Variants in PTPRG observed in about 807,000 individuals in gnomAD.
PTPRG encodes the protein receptor-type tyrosine-protein phosphatase gamma.
In PTPRG, 102 loss-of-function variants were observed where a neutral mutation model predicts 165.3. That is an observed-to-expected ratio of 0.62 (90% CI 0.53 to 0.73). The LOEUF is 0.73. Ranked by LOEUF, PTPRG falls within the 30% of genes least tolerant of loss-of-function variation. The pLI is 0.00. For missense variants in PTPRG, 1,866 were observed against 1,861.4 expected (o/e 1.00, Z -0.05); for synonymous variants, 675 against 669.5 (o/e 1.01, Z -0.13).
At chr3:61,695,489 C>G (rs751680610) in intron 1 of PTPRG, among the ~76,000 whole-genome samples, 1 of 152,206 alleles carries the variant, frequency 6.6e-6, no homozygotes, top group Non-Finnish European at 1.5e-5. Flanking sequence ...TCAATTTTCT[C>G]TCTATGAGAA....
chr3:62,262,920 T>A, intron 17 of PTPRG, 26 bp downstream of exon 17: 1 of 1,531,972 alleles, frequency 6.5e-7, no homozygotes. Context: ...TAAACTACCT[T>A]CAACTGCGAG....
At position 61,694,777 on chromosome 3, in the gene PTPRG, C is replaced by T. The variant is rs151220725; in HGVS notation, c.86-54101C>T. 5.0e-3 allele frequency among the ~76,000 whole-genome samples: 766 copies of T among 152,282 alleles called. 8 individuals carry two copies. The highest frequency in any genetic ancestry group is 0.017 in the African/African-American group (716 of 41,562). ...TTTAGAATGATTTTCCATCTATATA[C>T]TGAGTGAAAAGAGGCTATGTGCAGA... On this transcript the variant is annotated intron_variant, in intron 1 of 29. Transcript: ENST00000474889.
chr3:61,571,897 C>T (rs1211182382), intron 1 of PTPRG, among the ~76,000 whole-genome samples: 2 of 152,204 alleles, frequency 1.3e-5, no homozygotes, highest in South Asian at 2.1e-4. Flanking sequence ...GCCAGCCAAA[C>T]CAGCTGTGGG....
intron 2 of PTPRG, among the ~76,000 whole-genome samples, chr3:61,822,826 G>C (rs1284094308): frequency 1.3e-5 from 2 of 152,178 alleles, no homozygotes; most frequent in African/African-American, 2.4e-5. Flanking sequence ...CACAGTAGGA[G>C]AATTTCTTCT....
chr3:61,821,983 C>T (rs1374935148), intron 2 of PTPRG, among the ~76,000 whole-genome samples: 1 of 152,230 alleles, frequency 6.6e-6, no homozygotes, highest in Non-Finnish European at 1.5e-5. Context: ...TCAAATGCAT[C>T]ATAGTAATCT....
intron 5 of PTPRG, among the ~76,000 whole-genome samples, chr3:62,125,113 T>G (rs554362575): frequency 1.3e-5 from 2 of 152,318 alleles, no homozygotes; most frequent in East Asian, 3.9e-4. Flanking sequence ...CTGTCACCTT[T>G]TTATATAACT....
At chr3:62,088,212 G>T (rs577289942) in intron 5 of PTPRG, among the ~76,000 whole-genome samples, 2 of 152,320 alleles carry the variant, frequency 1.3e-5, no homozygotes, top group Non-Finnish European at 2.9e-5. Context: ...GCCCAGGAAC[G>T]CTGCTGAACA....
chr3:61,661,255 A>C (rs59758728), intron 1 of PTPRG, among the ~76,000 whole-genome samples: 25,864 of 151,844 alleles, frequency 0.17, 2,293 homozygotes, highest in African/African-American at 0.21. Flanking sequence ...CTTAAAAAAA[A>C]TGGGTGCTTG....
At chr3:61,874,515 C>CTT (rs79328175) in intron 2 of PTPRG, among the ~76,000 whole-genome samples, 1,755 of 149,312 alleles carry the variant, frequency 0.012, 36 homozygotes, top group African/African-American at 0.04. Flanking sequence ...TTCTTTCTTC[C>CTT]TTTTTTTTTT....
chr3:62,059,621 T>C (rs146935523), intron 4 of PTPRG, among the ~76,000 whole-genome samples: 13 of 152,338 alleles, frequency 8.5e-5, no homozygotes, highest in South Asian at 8.3e-4. Flanking sequence ...ACAGATTGCA[T>C]GAGCCCAGGA....
At chr3:61,701,165 A>G (rs924440513) in intron 1 of PTPRG, among the ~76,000 whole-genome samples, 1 of 152,158 alleles carries the variant, frequency 6.6e-6, no homozygotes, top group African/African-American at 2.4e-5. Flanking sequence ...CCATCACACC[A>G]TATGGGCTTT....
At chr3:62,196,564 C>G (rs1699967929) in intron 10 of PTPRG, among the ~76,000 whole-genome samples, 1 of 152,100 alleles carries the variant, frequency 6.6e-6, no homozygotes, top group Non-Finnish European at 1.5e-5. Context: ...ATTATTTAGG[C>G]AGCTGTGGGC....
At chr3:61,857,074 G>A (rs190647293) in intron 2 of PTPRG, among the ~76,000 whole-genome samples, 17 of 151,308 alleles carry the variant, frequency 1.1e-4, no homozygotes, top group Admixed American at 2.6e-4. Context: ...TCCTATTTCT[G>A]TGTGTGTCTA....
At chr3:61,998,611 T>C (rs192893938) in intron 3 of PTPRG, among the ~76,000 whole-genome samples, 3 of 152,314 alleles carry the variant, frequency 2.0e-5, no homozygotes, top group Admixed American at 1.3e-4. Flanking sequence ...TGCCCCATGC[T>C]CAGAAATTTA....
intron 1 of PTPRG, among the ~76,000 whole-genome samples, chr3:61,602,488 G>A (rs1470077978): frequency 1.3e-5 from 2 of 152,120 alleles, no homozygotes; most frequent in Non-Finnish European, 2.9e-5. Context: ...TGTTCATCAA[G>A]GAGAGAGGAA....
chr3:62,000,675 C>T (rs2041152705), intron 3 of PTPRG, among the ~76,000 whole-genome samples: 1 of 152,196 alleles, frequency 6.6e-6, no homozygotes, highest in African/African-American at 2.4e-5. Flanking sequence ...CCCCGCTCTT[C>T]CTATTGTCCC....
At chr3:62,119,969 T>G (rs1703005585) in intron 5 of PTPRG, among the ~76,000 whole-genome samples, 1 of 151,988 alleles carries the variant, frequency 6.6e-6, no homozygotes, top group African/African-American at 2.4e-5. Flanking sequence ...GACTCAGTGG[T>G]TCTCATCCCT....
intron 5 of PTPRG, among the ~76,000 whole-genome samples, chr3:62,106,529 CT>C (rs1702478815): frequency 7.4e-6 from 1 of 134,582 alleles, no homozygotes; most frequent in Non-Finnish European, 1.5e-5. Flanking sequence ...TTGGCTTGAT[CT>C]CACTCTGTTG....
rs146322221 is a variant in PTPRG, at chr3:62,084,092, A to G, written c.615+5834A>G. 2.4e-3 allele frequency among the ~76,000 whole-genome samples: 361 copies of G among 152,322 alleles called. 2 individuals carry two copies. The highest frequency in any genetic ancestry group is 7.7e-3 in the African/African-American group (321 of 41,566). ...GCATCTACATTAAGAAACGTTTCTT[A>G]TGTGACATTGTTTCCAGCCTCCTTT... On this transcript the variant is annotated intron_variant, in intron 5 of 29. Coordinates refer to ENST00000474889, the MANE Select transcript of PTPRG (RefSeq NM_002841.4).
Sources: gnomAD v4.1 joint callset for allele counts (sites outside exome capture counted in the v4.1 genomes callset) on GRCh38, gnomAD v4.1.1 for gene constraint, MANE v1.5 for transcripts, NCBI Gene and HGNC (gene_info 2026-07-23, HGNC 2026-07-21) for gene names.